TNRC6B: variants seen among roughly 807,000 people sequenced by gnomAD.
TNRC6B encodes the protein trinucleotide repeat-containing gene 6B protein.
In TNRC6B, 52 loss-of-function variants were observed where a neutral mutation model predicts 203.6. That is an observed-to-expected ratio of 0.26 (90% CI 0.20 to 0.32). TNRC6B has a LOEUF of 0.32. Among genes scored for constraint, TNRC6B ranks in the 10% least tolerant of loss-of-function variants. The pLI, the probability that TNRC6B is intolerant of heterozygous loss-of-function variation, is 1.00. For missense variants in TNRC6B, 1,923 were observed against 2,286.2 expected, an observed-to-expected ratio of 0.84 and a Z score of 3.24; for synonymous variants, 838 against 845.7, an observed-to-expected ratio of 0.99 and a Z score of 0.16.
At chr22:40,048,400 G>T (rs2067711990) in intron 1 of TNRC6B, among the ~76,000 whole-genome samples, 2 of 152,096 alleles carry the variant, frequency 1.3e-5, no homozygotes. Context: ...AATTAGCCGG[G>T]TGTGGCGGCG....
chr22:40,159,368 G>A (rs903729094), intron 4 of TNRC6B, among the ~76,000 whole-genome samples: 4 of 150,462 alleles, frequency 2.7e-5, no homozygotes, highest in Non-Finnish European at 3.0e-5. Flanking sequence ...GGCCAGGCGC[G>A]GTGGCTCACG....
At chr22:40,107,203 A>G (rs1437339375) in intron 1 of TNRC6B, 3 of 491,894 alleles carry the variant, frequency 6.1e-6, no homozygotes, top group African/African-American at 3.9e-5. Context: ...CCCCTAGGCT[A>G]TGAAGCATTT....
chr22:40,143,189 G>A (rs2068659506), intron 3 of TNRC6B, among the ~76,000 whole-genome samples: 2 of 152,174 alleles, frequency 1.3e-5, no homozygotes, highest in African/African-American at 4.8e-5. Context: ...CAGCATTTTG[G>A]GAGGCCGGGG....
At chr22:40,049,569 A>T (rs1160742829) in intron 1 of TNRC6B, among the ~76,000 whole-genome samples, 1 of 151,578 alleles carries the variant, frequency 6.6e-6, no homozygotes, top group East Asian at 1.9e-4. Flanking sequence ...TCTCTTCCAT[A>T]CTCCAAAACA....
intron 1 of TNRC6B, among the ~76,000 whole-genome samples, chr22:40,108,065 C>G (rs2146310584): frequency 6.6e-6 from 1 of 152,140 alleles, no homozygotes; most frequent in South Asian, 2.1e-4. Flanking sequence ...ACAGCCAGAT[C>G]AAGAAATGTC....
chr22:40,167,816 G>C (rs1028052531), intron 4 of TNRC6B, among the ~76,000 whole-genome samples: 1 of 151,418 alleles, frequency 6.6e-6, no homozygotes, highest in Non-Finnish European at 1.5e-5. Context: ...CTGGCAGTTT[G>C]AGGCTGCAGT....
At chr22:40,062,878 G>A (rs1218897246) in intron 1 of TNRC6B, among the ~76,000 whole-genome samples, 1 of 151,316 alleles carries the variant, frequency 6.6e-6, no homozygotes, top group Non-Finnish European at 1.5e-5. Context: ...GACACGTTTT[G>A]TGAAATTTTC....
chr22:40,236,366 C>G lies in TNRC6B; in HGVS notation c.6-9649C>G, dbSNP rs945524169. Among the ~76,000 whole-genome samples the G allele has an allele frequency of 3.3e-5, 5 of 152,306 alleles. No homozygotes were observed. In the East Asian group the frequency reaches 7.7e-4, roughly 23 times the overall value. ...TACAGTATGACACTTTTGGGAGTGG[C>G]TTTTCTCATTCAGCATAATTCCATG... On this transcript the variant is annotated intron_variant, in intron 1 of 22. Transcript: ENST00000454349.
intron 11 of TNRC6B, among the ~76,000 whole-genome samples, chr22:40,285,220 T>C (rs1432903691): frequency 6.6e-6 from 1 of 152,208 alleles, no homozygotes; most frequent in Non-Finnish European, 1.5e-5. Context: ...TCATAATGTT[T>C]TATAAATACA....
At chr22:40,261,702 A>G (rs998867022) in intron 3 of TNRC6B, 130 bp from the exon 4 acceptor site, 5 of 780,684 alleles carry the variant, frequency 6.4e-6, no homozygotes, top group African/African-American at 1.8e-5. Context: ...CTTGAGCCCG[A>G]GTTCAAGACC....
At chr22:40,260,349 A>T (rs1311595575) in intron 3 of TNRC6B, among the ~76,000 whole-genome samples, 1 of 152,188 alleles carries the variant, frequency 6.6e-6, no homozygotes, top group Admixed American at 6.5e-5. Flanking sequence ...TTCTTGTAAG[A>T]GTCCACTCTG....
At chr22:40,058,155 AGGAGATCTTTTTATGC>A (rs2067816748) in intron 1 of TNRC6B, among the ~76,000 whole-genome samples, 1 of 152,210 alleles carries the variant, frequency 6.6e-6, no homozygotes, top group Admixed American at 6.5e-5. Context: ...CTCCAGAAAG[AGGAGATCTTTTTATGC>A]CCCATACCCC....
chr22:40,298,684 G>T (rs1475090799), intron 12 of TNRC6B, among the ~76,000 whole-genome samples: 1 of 152,178 alleles, frequency 6.6e-6, no homozygotes, highest in Non-Finnish European at 1.5e-5. Flanking sequence ...GGCAGAGCTG[G>T]GGCCGGGCGC....
intron 1 of TNRC6B, among the ~76,000 whole-genome samples, chr22:40,080,467 A>G (rs1423907057): frequency 6.6e-6 from 1 of 152,158 alleles, no homozygotes; most frequent in Non-Finnish European, 1.5e-5. Flanking sequence ...CAGTTATCTA[A>G]TCTTATTATG....
chr22:40,315,475 G>A lies in TNRC6B; in HGVS notation c.4871G>A (p.Gly1624Glu). 2 of 1,613,998 alleles carry A rather than the reference G, an allele frequency of 1.2e-6. No individual in the cohort carries two copies. The highest frequency in any genetic ancestry group is 1.7e-6 in the Non-Finnish European group (2 of 1,179,898). Residue 1624 changes from glycine (G) to glutamate (E), a missense_variant, in exon 20 of 23, where the codon GGG (glycine) becomes GAG (glutamate). By Grantham distance (98) the Gly-to-Glu change is moderately conservative (BLOSUM62 -2). Around this residue, in one of 8 missense-constraint regions of TNRC6B, gnomAD observed 159 missense variants for 181.0 expected, o/e 0.88. Transcript: ENST00000454349. The part of the protein sequence containing the change: ...WSSTAPRSVR[G>E]WGTQDSRLAS... Reference sequence around the variant, plus strand: ...AGCACAGCACCCCGATCAGTCAGGGGGTGGGGGACACAGGACTCACGGCTC... The same window carrying A: ...AGCACAGCACCCCGATCAGTCAGGGAGTGGGGGACACAGGACTCACGGCTC...
intron 15 of TNRC6B, 97 bp from the exon 16 acceptor site, chr22:40,308,415 A>T (rs896196904): frequency 7.3e-7 from 1 of 1,361,544 alleles, no homozygotes; most frequent in Non-Finnish European, 1.0e-6. Context: ...TCTGTGAATT[A>T]GTCTTTGAAT....
intron 3 of TNRC6B, among the ~76,000 whole-genome samples, chr22:40,259,863 G>T (rs987218782): frequency 3.3e-5 from 5 of 152,240 alleles, no homozygotes; most frequent in African/African-American, 1.2e-4. Context: ...ACCCTGGGAG[G>T]CAGGGATTTG....
At position 40,265,934 on chromosome 22, in the gene TNRC6B, A is replaced by G. The variant is rs780736718; in HGVS notation, c.1704A>G (p.Glu568=). Residue 568 remains glutamate, a synonymous_variant, in exon 5 of 23, where the codon GAA becomes GAG. Transcript: ENST00000454349. ...WGRSSSSTGS[E]VGGQSTGSNH... is the part of the protein sequence containing the mutation. The stretch of plus-strand genomic sequence containing the variant: ...GATCTTCCAGCTCCACAGGAAGTGA[A>G]GTTGGAGGTCAAAGCACTGGAAGCA... 12 of 1,614,010 alleles carry G rather than the reference A, an allele frequency of 7.4e-6. No homozygotes were observed. The highest frequency in any genetic ancestry group is 1.6e-4 in the Middle Eastern group (1 of 6,062).
chr22:40,193,038 G>A (rs1285228790), intron 1 of TNRC6B, among the ~76,000 whole-genome samples: 1 of 152,174 alleles, frequency 6.6e-6, no homozygotes, highest in African/African-American at 2.4e-5. Flanking sequence ...GAAAAGGAAG[G>A]ATTTTAGGGC....
Sources: gnomAD v4.1 joint callset for allele counts (sites outside exome capture counted in the v4.1 genomes callset) on GRCh38, gnomAD v4.1.1 for gene constraint, gnomAD v4.1.1 regional missense constraint, MANE v1.5 for transcripts, NCBI Gene and HGNC (gene_info 2026-07-23, HGNC 2026-07-21) for gene names.